ZMYND11: variants seen among roughly 807,000 people sequenced by gnomAD.
The protein encoded by ZMYND11 is zinc finger MYND domain-containing protein 11.
Under a neutral mutation model 84.9 loss-of-function variants are expected in ZMYND11, and 9 were observed. The ratio of observed to expected loss-of-function variants is 0.11; its 90% CI spans 0.06 to 0.18. The LOEUF (loss-of-function observed/expected upper bound fraction) is 0.18. Ranked by LOEUF, ZMYND11 falls within the 10% of genes least tolerant of loss-of-function variation. The pLI is 1.00. For synonymous variants in ZMYND11, 250 were observed against 244.1 expected (o/e 1.02, Z -0.23); for missense variants, 409 against 761.0 (o/e 0.54, Z 5.44).
At chr10:250,430 G>A (rs1953186208) in intron 14 of ZMYND11, among the ~76,000 whole-genome samples, 1 of 152,216 alleles carries the variant, frequency 6.6e-6, no homozygotes, top group Non-Finnish European at 1.5e-5. Flanking sequence ...AGGAGTGCAA[G>A]GTTGCAGAGA....
chr10:197,912 T>C, intron 2 of ZMYND11: 2 of 592,528 alleles, frequency 3.4e-6, no homozygotes, highest in South Asian at 2.1e-5. Flanking sequence ...CAATTTCAGA[T>C]GTGAAACAAC....
At chr10:215,923 A>G (rs1163228071) in intron 3 of ZMYND11, among the ~76,000 whole-genome samples, 2 of 152,138 alleles carry the variant, frequency 1.3e-5, no homozygotes, top group South Asian at 2.1e-4. Context: ...TTTGACACAT[A>G]TTAAAACAGC....
In ZMYND11 at chr10:231,860, G is replaced by A. The variant is rs528624901; in HGVS notation, c.439-4978G>A. Among the ~76,000 whole-genome samples the A allele has an allele frequency of 1.2e-4, 18 of 152,216 alleles. No homozygotes were observed. The South Asian group carries it at 3.1e-3, about 26-fold the overall frequency. Reference sequence around the variant, plus strand: ...ACCCTGCTTCAGACATGCGATTACCGTCACTTTTAAATACAACAACTTTGC... The same window carrying A: ...ACCCTGCTTCAGACATGCGATTACCATCACTTTTAAATACAACAACTTTGC... On this transcript the variant is annotated intron_variant, in intron 4 of 14. Coordinates refer to ENST00000381604, the MANE Select transcript of ZMYND11 (RefSeq NM_001370100.5).
chr10:197,704 T>C (rs1042379916), intron 2 of ZMYND11, among the ~76,000 whole-genome samples: 1 of 152,220 alleles, frequency 6.6e-6, no homozygotes, highest in Non-Finnish European at 1.5e-5. Context: ...AAGTTAACCA[T>C]TGTCTAAGTT....
chr10:232,661 A>G (rs1182151352), intron 4 of ZMYND11, among the ~76,000 whole-genome samples: 1 of 152,186 alleles, frequency 6.6e-6, no homozygotes, highest in Non-Finnish European at 1.5e-5. Flanking sequence ...TATCACCAAA[A>G]AGGTGGGTGG....
intron 2 of ZMYND11, among the ~76,000 whole-genome samples, chr10:186,277 C>T (rs1197531904): frequency 6.6e-6 from 1 of 151,782 alleles, no homozygotes; most frequent in Non-Finnish European, 1.5e-5. Context: ...TCCCAAAGTG[C>T]TGGGACTAGA....
rs1379091520 is a variant in ZMYND11, at chr10:144,573, C to A, written c.-20+9014C>A. On this transcript the variant is annotated intron_variant, in intron 1 of 14. Coordinates refer to ENST00000381604, the MANE Select transcript of ZMYND11 (RefSeq NM_001370100.5). ...TTTTAGATGACAGTGTTACACAACTCACATTAGGAACCAGGAGTAATTTAG... is the reference window on the plus strand; with the variant it reads ...TTTTAGATGACAGTGTTACACAACTAACATTAGGAACCAGGAGTAATTTAG... 3.3e-5 allele frequency among the ~76,000 whole-genome samples: 5 copies of A among 150,556 alleles called. No individual in the cohort carries two copies. The East Asian group carries it at 9.8e-4, about 30-fold the overall frequency.
chr10:203,360 A>C (rs993982768), intron 2 of ZMYND11, among the ~76,000 whole-genome samples: 27 of 152,160 alleles, frequency 1.8e-4, no homozygotes, highest in African/African-American at 6.5e-4. Flanking sequence ...AAAAAAAAAC[A>C]GTAAATGTAA....
intron 4 of ZMYND11, 60 bp from the exon 5 acceptor site, chr10:236,778 G>A (rs1950054882): frequency 1.4e-6 from 2 of 1,405,486 alleles, no homozygotes; most frequent in African/African-American, 2.9e-5. Context: ...TCTTTTACAT[G>A]AATATAGACA....
intron 3 of ZMYND11, among the ~76,000 whole-genome samples, chr10:212,004 G>A (rs1431438155): frequency 6.6e-6 from 1 of 152,136 alleles, no homozygotes; most frequent in Non-Finnish European, 1.5e-5. Context: ...TAGTATAGAA[G>A]ACTATAGTGA....
chr10:229,429 T>C (rs751529995), intron 4 of ZMYND11, among the ~76,000 whole-genome samples: 15 of 152,178 alleles, frequency 9.9e-5, no homozygotes, highest in Non-Finnish European at 1.8e-4. Flanking sequence ...TGAATTCTTA[T>C]AAGTTAAAAA....
At chr10:140,247 A>G (rs566264098) in intron 1 of ZMYND11, among the ~76,000 whole-genome samples, 1 of 152,310 alleles carries the variant, frequency 6.6e-6, no homozygotes, top group South Asian at 2.1e-4. Flanking sequence ...TGTGAGGGAG[A>G]TAAGAACCCA....
chr10:145,220 A>ACATATG (rs1304043243), intron 1 of ZMYND11, among the ~76,000 whole-genome samples: 1 of 137,208 alleles, frequency 7.3e-6, no homozygotes, highest in African/African-American at 2.5e-5. Context: ...ATATGTATAT[A>ACATATG]TGTGTGTATA....
chr10:196,494 T>C (rs1941780273), intron 2 of ZMYND11, among the ~76,000 whole-genome samples: 1 of 152,160 alleles, frequency 6.6e-6, no homozygotes, highest in Non-Finnish European at 1.5e-5. Context: ...TGAAAATACA[T>C]GATATTACAA....
intron 3 of ZMYND11, among the ~76,000 whole-genome samples, chr10:211,985 A>G (rs1393166706): frequency 6.6e-6 from 1 of 152,210 alleles, no homozygotes; most frequent in African/African-American, 2.4e-5. Flanking sequence ...ACACTTAGGA[A>G]TTTATAGATA....
chr10:176,333 G>A (rs1298258993), intron 1 of ZMYND11, among the ~76,000 whole-genome samples: 5 of 151,882 alleles, frequency 3.3e-5, no homozygotes, highest in African/African-American at 7.3e-5. Flanking sequence ...ACCAAAAGGA[G>A]CCTGTAATAT....
chr10:193,444 C>G (rs1940953897), intron 2 of ZMYND11, among the ~76,000 whole-genome samples: 1 of 152,102 alleles, frequency 6.6e-6, no homozygotes, highest in South Asian at 2.1e-4. Context: ...ATGGGGTATC[C>G]CAAACACCTA....
intron 1 of ZMYND11, among the ~76,000 whole-genome samples, chr10:166,018 A>G (rs1554763620): frequency 6.6e-6 from 1 of 152,010 alleles, no homozygotes; most frequent in African/African-American, 2.4e-5. Flanking sequence ...GAATAATCTC[A>G]TCAACAGTTG....
Position 253,713 on chromosome 10 carries a change from G to C in ZMYND11, c.*1243G>C, listed in dbSNP as rs1326365911. 3 of 152,552 alleles carry C rather than the reference G, an allele frequency of 2.0e-5. No individual in the cohort carries two copies. The highest frequency in any genetic ancestry group is 7.2e-5 in the African/African-American group (3 of 41,422). 9.4% of individuals were successfully genotyped at this position (152,552 alleles called of 1,614,324 possible). ...TTTTTAAAGACTGATCTTAGACCAA[G>C]TCAAATTCCCATTTATCATTTAGTT... On this transcript the variant is annotated 3_prime_UTR_variant, in exon 15 of 15. Transcript: ENST00000381604.
Sources: gnomAD v4.1 joint callset for allele counts (sites outside exome capture counted in the v4.1 genomes callset) on GRCh38, gnomAD v4.1.1 for gene constraint, MANE v1.5 for transcripts, NCBI Gene and HGNC (gene_info 2026-07-23, HGNC 2026-07-21) for gene names.